Variants in TAX1BP1 observed in about 807,000 individuals in gnomAD.
TAX1BP1 encodes the protein Tax1 binding protein 1.
In TAX1BP1, 62 loss-of-function variants were observed where a neutral mutation model predicts 97.7. The observed-to-expected ratio is 0.63, with a 90% confidence interval of 0.52 to 0.78. The LOEUF is 0.78. TAX1BP1 is among the 30% of genes least tolerant of loss of function. TAX1BP1 has a pLI of 0.00. For missense variants in TAX1BP1, 867 were observed against 916.1 expected, an observed-to-expected ratio of 0.95 and a Z score of 0.69; for synonymous variants, 340 against 304.2, an observed-to-expected ratio of 1.12 and a Z score of -1.23.
chr7:27,761,812 G>T (rs1243985709), intron 3 of TAX1BP1, among the ~76,000 whole-genome samples: 1 of 152,186 alleles, frequency 6.6e-6, no homozygotes, highest in Admixed American at 6.5e-5. Flanking sequence ...TTGTGTGGAT[G>T]TAAGTTTTCA....
intron 4 of TAX1BP1, among the ~76,000 whole-genome samples, chr7:27,767,689 C>G (rs759931251): frequency 7.2e-5 from 11 of 152,070 alleles, no homozygotes; most frequent in Non-Finnish European, 1.3e-4. Flanking sequence ...ACCCTCATTT[C>G]AGGGCCTCCA....
rs779831363 is a variant in TAX1BP1, at chr7:27,787,503, G to A, written c.938G>A (p.Ser313Asn). The change falls in exon 8 of 17, where the codon AGC becomes AAC. Residue 313 changes from serine (S) to asparagine (N), a missense_variant. By Grantham distance (46) the Ser-to-Asn change is conservative. This residue lies in a region of TAX1BP1 where 822 missense variants were observed against 851.4 expected (regional missense o/e 0.97). Transcript: ENST00000396319. ...TLKNLDGNKE[S>N]VITHFKEEIG... ...AAAAATTTAGATGGGAACAAAGAAA[G>A]CGTGATTACTCATTTCAAAGAAGAG... The A allele has an allele frequency of 1.2e-6, 2 of 1,613,728 alleles. No individual in the cohort carries two copies. The highest frequency in any genetic ancestry group is 1.7e-6 in the Non-Finnish European group (2 of 1,179,768).
chr7:27,795,824 T>A (rs1350327821), intron 11 of TAX1BP1, among the ~76,000 whole-genome samples: 1 of 152,224 alleles, frequency 6.6e-6, no homozygotes, highest in African/African-American at 2.4e-5. Flanking sequence ...GTGCTGGGAT[T>A]ACAGGCATGA....
At chr7:27,755,883 G>A (rs1788193060) in intron 2 of TAX1BP1, among the ~76,000 whole-genome samples, 1 of 152,074 alleles carries the variant, frequency 6.6e-6, no homozygotes. Context: ...TTGTCCCATT[G>A]TCCAAAGTGT....
Position 27,740,248 on chromosome 7 carries a change from G to T in TAX1BP1, c.-29G>T. ...GGAAGCCTGCGTAACTTTCTCCCTT[G>T]ATCCGGGAGTCTTTCCACTGGGTAA... On this transcript the variant is annotated 5_prime_UTR_variant, in exon 1 of 17. Transcript: ENST00000396319. The T allele has an allele frequency of 6.6e-6, 1 of 152,488 alleles. No individual in the cohort carries two copies. Among genetic ancestry groups the T allele is most frequent in the Non-Finnish European group, 1.5e-5 (1 of 68,188 alleles). 9.4% of individuals were successfully genotyped at this position (152,488 alleles called of 1,614,324 possible).
rs1583654895 is a variant in TAX1BP1, at chr7:27,740,244, C to T, written c.-33C>T. The T allele has an allele frequency of 2.0e-5, 3 of 152,502 alleles. No homozygotes were observed. The highest frequency in any genetic ancestry group is 3.9e-4 in the East Asian group (2 of 5,156). The allele number at this position is 152,502 out of a possible 1,614,324, so 9.4% of individuals were successfully genotyped here. A position where few individuals can be genotyped will look rare whatever the true frequency, so the allele number is the denominator to read the frequency against. On this transcript the variant is annotated 5_prime_UTR_variant, in exon 1 of 17. Transcript: ENST00000396319. ...GATCGGAAGCCTGCGTAACTTTCTC[C>T]CTTGATCCGGGAGTCTTTCCACTGG...
chr7:27,758,687 A>G lies in TAX1BP1; in HGVS notation c.265+554A>G, dbSNP rs191078917. Among the ~76,000 whole-genome samples, 6 of 152,272 alleles carry G rather than the reference A, an allele frequency of 3.9e-5. No individual in the cohort carries two copies. The East Asian group carries it at 1.2e-3, about 29-fold the overall frequency. On this transcript the variant is annotated intron_variant, in intron 3 of 16. Coordinates refer to ENST00000396319, the MANE Select transcript of TAX1BP1 (RefSeq NM_006024.7). Reference sequence around the variant, plus strand: ...GGTGAACACTGAGGATGTTATGATAAGTTAAATAAGCCAATCACAAAAAGA... The same window carrying G: ...GGTGAACACTGAGGATGTTATGATAGGTTAAATAAGCCAATCACAAAAAGA...
At chr7:27,754,749 A>T (rs931036089) in intron 2 of TAX1BP1, among the ~76,000 whole-genome samples, 2 of 150,722 alleles carry the variant, frequency 1.3e-5, no homozygotes, top group Non-Finnish European at 3.0e-5. Context: ...ATTTTTTTAA[A>T]TTTTTTTTTA....
Position 27,778,310 on chromosome 7 carries a change from C to T in TAX1BP1, c.613-6853C>T, listed in dbSNP as rs117885966. On this transcript the variant is annotated intron_variant, in intron 5 of 16. Transcript: ENST00000396319. ...TGATGTAGTTGATTTATATTTTGTA[C>T]AAGTGTCTTGTCTTGATATAGCCTG... 9.3e-3 allele frequency among the ~76,000 whole-genome samples: 1,419 copies of T among 152,144 alleles called. 9 individuals are homozygous for T. Among genetic ancestry groups the T allele is most frequent in the Non-Finnish European group, 0.016 (1,076 of 67,984 alleles).
At chr7:27,805,050 C>T (rs553546448) in intron 13 of TAX1BP1, among the ~76,000 whole-genome samples, 1 of 152,108 alleles carries the variant, frequency 6.6e-6, no homozygotes. Flanking sequence ...AGCGTGATTG[C>T]TGGTTTGAAG....
chr7:27,828,630 T>G lies in TAX1BP1; in HGVS notation c.2171T>G (p.Phe724Cys), dbSNP rs781388276. ...ATTCTTTCATTTTTCTCTTTAAGCT[T>G]TGATGTTCACAAGAAGTGTCCCCTC... is the stretch of plus-strand genomic sequence containing the variant. Reference protein sequence around the residue: ...HGTGFCFDSSFDVHKKCPLCE... With the variant: ...HGTGFCFDSSCDVHKKCPLCE... Residue 724 changes from phenylalanine (F) to cysteine (C), a missense_variant and splice_region_variant, in exon 17 of 17, where the codon TTT becomes TGT. Transcript: ENST00000396319. The G allele has an allele frequency of 5.6e-6, 9 of 1,613,548 alleles. No individual in the cohort carries two copies. Among genetic ancestry groups the G allele is most frequent in the Non-Finnish European group, 7.6e-6 (9 of 1,179,726 alleles).
At chr7:27,759,402 A>G (rs908257997) in intron 3 of TAX1BP1, among the ~76,000 whole-genome samples, 6 of 152,176 alleles carry the variant, frequency 3.9e-5, no homozygotes, top group African/African-American at 1.4e-4. Context: ...TGTTAGTGAC[A>G]AAAATCACAA....
chr7:27,751,547 T>C (rs951228150), intron 2 of TAX1BP1, among the ~76,000 whole-genome samples: 9 of 152,198 alleles, frequency 5.9e-5, no homozygotes, highest in African/African-American at 2.2e-4. Flanking sequence ...AATAAAGATC[T>C]CTACCTATCT....
chr7:27,793,999 C>G (rs1322590237), intron 10 of TAX1BP1, among the ~76,000 whole-genome samples: 2 of 152,196 alleles, frequency 1.3e-5, no homozygotes, highest in African/African-American at 2.4e-5. Flanking sequence ...GTATGACTCA[C>G]TCACATGTAT....
At chr7:27,825,603 G>A (rs906986866) in intron 15 of TAX1BP1, among the ~76,000 whole-genome samples, 20 of 152,028 alleles carry the variant, frequency 1.3e-4, no homozygotes, top group African/African-American at 4.8e-4. Flanking sequence ...CAGAATAATC[G>A]GGTTATCATT....
chr7:27,745,144 T>C (rs1207815653), intron 1 of TAX1BP1, among the ~76,000 whole-genome samples: 1 of 152,220 alleles, frequency 6.6e-6, no homozygotes, highest in African/African-American at 2.4e-5. Flanking sequence ...AATCAGAATT[T>C]GACATGGTAA....
At position 27,758,041 on chromosome 7, in the gene TAX1BP1, G is replaced by A. The variant is rs7809260; in HGVS notation, c.173G>A (p.Ser58Asn). Residue 58 changes from serine to asparagine, a missense_variant, in exon 3 of 17, where the codon AGT (serine) becomes AAT (asparagine). Coordinates refer to ENST00000396319, the MANE Select transcript of TAX1BP1 (RefSeq NM_006024.7). ...DWVGIFKVGW[S>N]TARDYYTFLW... is the part of the protein sequence containing the mutation. ...GTTATTTCCCTTTAGGTTGGATGGA[G>A]TACTGCTCGTGATTATTACACGTTT... 1.2e-3 allele frequency: 2,004 copies of A among 1,610,014 alleles called. 20 individuals carry two copies. In the African/African-American group the frequency reaches 0.023, roughly 18 times the overall value.
At chr7:27,816,705 A>G (rs1295680640) in intron 14 of TAX1BP1, among the ~76,000 whole-genome samples, 185 bp downstream of exon 14, 1 of 152,226 alleles carries the variant, frequency 6.6e-6, no homozygotes, top group Non-Finnish European at 1.5e-5. Flanking sequence ...GCACCATGAG[A>G]TGAGTACTTT....
chr7:27,811,785 A>T (rs539680118), intron 13 of TAX1BP1, among the ~76,000 whole-genome samples: 3 of 152,226 alleles, frequency 2.0e-5, no homozygotes, highest in African/African-American at 7.2e-5. Context: ...CCCCTGTCCT[A>T]GAAAACCTCT....
Sources: allele counts gnomAD v4.1 joint callset (sites outside exome capture counted in the v4.1 genomes callset), GRCh38; gene constraint gnomAD v4.1.1; regional missense constraint gnomAD v4.1.1; transcripts MANE v1.5; gene names NCBI Gene and HGNC (gene_info 2026-07-23, HGNC 2026-07-21).